The following REDIC1 variants were observed in gnomAD, a reference collection of about 807,000 sequenced individuals.
REDIC1 encodes the protein regulator of DNA class I crossover intermediates 1.
the REDIC1 span, among the ~76,000 whole-genome samples, chr12:39,714,720 A>G: frequency 0.01 from 1,580 of 151,748 alleles, 26 homozygotes; most frequent in African/African-American, 0.037. Context: ...TCCCATACCA[A>G]CATCTACAGT....
the REDIC1 span, among the ~76,000 whole-genome samples, chr12:39,842,495 A>C: frequency 3.3e-5 from 5 of 152,082 alleles, no homozygotes; most frequent in Non-Finnish European, 5.9e-5. Context: ...ATAGATTTGG[A>C]AACTTGTATT....
chr12:39,837,775 T>C, the REDIC1 span, among the ~76,000 whole-genome samples: 1 of 151,982 alleles, frequency 6.6e-6, no homozygotes, highest in East Asian at 1.9e-4. Flanking sequence ...GAAATGCAAA[T>C]CAAAACCACT....
the REDIC1 span, chr12:39,720,880 G>A: frequency 1.3e-5 from 21 of 1,613,148 alleles, 1 homozygote; most frequent in South Asian, 2.3e-4. Context: ...TTTTTATGTA[G>A]AAAGGATGGC....
At chr12:39,892,567 G>A in the REDIC1 span, among the ~76,000 whole-genome samples, 1 of 151,824 alleles carries the variant, frequency 6.6e-6, no homozygotes, top group Non-Finnish European at 1.5e-5. Flanking sequence ...TGCTTTCTTG[G>A]TTTTGACCAA....
chr12:39,682,592 G>A, the REDIC1 span: 1 of 1,501,328 alleles, frequency 6.7e-7, no homozygotes, highest in South Asian at 1.4e-5. Flanking sequence ...TGCTAAATAT[G>A]TTTTTGTTTA....
At chr12:39,770,179 A>G in the REDIC1 span, among the ~76,000 whole-genome samples, 3 of 151,934 alleles carry the variant, frequency 2.0e-5, no homozygotes, top group Non-Finnish European at 4.4e-5. Flanking sequence ...TCTCATAATC[A>G]TCTCATCTAA....
chr12:39,779,152 T>G, the REDIC1 span, among the ~76,000 whole-genome samples: 113,217 of 152,032 alleles, frequency 0.74, 43,370 homozygotes, highest in Non-Finnish European at 0.84. Context: ...ATGGGCGGGG[T>G]GCAACTGAAG....
chr12:39,703,599 CA>C, the REDIC1 span, among the ~76,000 whole-genome samples: 1 of 152,004 alleles, frequency 6.6e-6, no homozygotes, highest in Admixed American at 6.6e-5. Flanking sequence ...CATATGCAAC[CA>C]AAAAAGATCC....
the REDIC1 span, among the ~76,000 whole-genome samples, chr12:39,792,550 T>A: frequency 1.3e-5 from 2 of 152,072 alleles, no homozygotes; most frequent in Admixed American, 6.5e-5. Flanking sequence ...GGCAGCACAA[T>A]TCTAGATACT....
chr12:39,859,700 T>C, the REDIC1 span, among the ~76,000 whole-genome samples: 1 of 152,048 alleles, frequency 6.6e-6, no homozygotes, highest in African/African-American at 2.4e-5. Context: ...TTTTTTTTTG[T>C]ATTTTTAGTA....
chr12:39,690,720 C>T, the REDIC1 span, among the ~76,000 whole-genome samples: 59 of 152,040 alleles, frequency 3.9e-4, no homozygotes, highest in Non-Finnish European at 7.5e-4. Context: ...AACATATATA[C>T]TATTGGAGCA....
chr12:39,830,377 CG>C, the REDIC1 span: 8 of 1,409,668 alleles, frequency 5.7e-6, no homozygotes, highest in Non-Finnish European at 7.4e-6. Flanking sequence ...AAGTGACATG[CG>C]CTGAGCCAGG....
chr12:39,726,734 G>A, the REDIC1 span, among the ~76,000 whole-genome samples: 32 of 152,222 alleles, frequency 2.1e-4, no homozygotes, highest in African/African-American at 5.8e-4. Flanking sequence ...TTGAGGAATC[G>A]CCACACTGTC....
At chr12:39,651,531 A>T in the REDIC1 span, among the ~76,000 whole-genome samples, 317 of 152,256 alleles carry the variant, frequency 2.1e-3, 1 homozygote, top group Non-Finnish European at 3.2e-3. Flanking sequence ...GTTGTACTTG[A>T]TTCCTTCCTT....
chr12:39,716,770 C>T, the REDIC1 span: 1 of 1,602,198 alleles, frequency 6.2e-7, no homozygotes, highest in Middle Eastern at 1.7e-4. Context: ...TGATTCTGCA[C>T]AGAGTAGTCG....
At chr12:39,721,096 T>G in the REDIC1 span, 1 of 1,613,720 alleles carries the variant, frequency 6.2e-7, no homozygotes, top group Non-Finnish European at 8.5e-7. Flanking sequence ...AGAGAGTGAA[T>G]CTGTAATGGA....
chr12:39,743,292 C>A, the REDIC1 span, among the ~76,000 whole-genome samples: 1 of 152,122 alleles, frequency 6.6e-6, no homozygotes, highest in African/African-American at 2.4e-5. Flanking sequence ...AACTGAGAAG[C>A]ACTTGTGAAG....
chr12:39,891,118 AC>A, the REDIC1 span, among the ~76,000 whole-genome samples: 1 of 113,338 alleles, frequency 8.8e-6, no homozygotes, highest in Non-Finnish European at 2.0e-5. Context: ...TTTCAAATAT[AC>A]CTTTTTTTTT....
chr12:39,712,047 T>TGTATGTATATATACATGTATATATACCG, the REDIC1 span, among the ~76,000 whole-genome samples: 1 of 140,150 alleles, frequency 7.1e-6, no homozygotes, highest in African/African-American at 2.6e-5. Context: ...TATACCTACC[T>TGTATGTATATATACATGTATATATACCG]GTATGTATAT....
Sources: allele counts gnomAD v4.1 joint callset (sites outside exome capture counted in the v4.1 genomes callset), GRCh38; gene constraint gnomAD v4.1.1; transcripts MANE v1.5; gene names NCBI Gene and HGNC (gene_info 2026-07-23, HGNC 2026-07-21).